The following RIMKLB variants were observed in gnomAD, a reference collection of about 807,000 sequenced individuals.
The protein encoded by RIMKLB is beta-citrylglutamate synthase B.
In RIMKLB, 7 loss-of-function variants were observed where a neutral mutation model predicts 32.0. The ratio of observed to expected loss-of-function variants is 0.22; its 90% CI spans 0.12 to 0.41. The LOEUF (loss-of-function observed/expected upper bound fraction) is 0.41, where lower values mean the gene tolerates loss of function less well. RIMKLB is among the 10% of genes least tolerant of loss of function. The probability of loss-of-function intolerance (pLI) is 1.00; values close to 1 mark genes in which losing one functional copy is unlikely to be tolerated. For synonymous variants in RIMKLB, 172 were observed against 185.1 expected (o/e 0.93, Z 0.57); for missense variants, 289 against 498.7 (o/e 0.58, Z 4.00).
At chr12:8,701,647 CT>C (rs752751224) in intron 1 of RIMKLB, among the ~76,000 whole-genome samples, 1,767 of 124,558 alleles carry the variant, frequency 0.014, 9 homozygotes, top group African/African-American at 0.018. Context: ...GGCCTGATCT[CT>C]TTTTTTTTTT....
the RIMKLB span, among the ~76,000 whole-genome samples, chr12:8,674,494 C>T: frequency 6.6e-6 from 1 of 151,560 alleles, no homozygotes; most frequent in African/African-American, 2.4e-5. Context: ...CTGCCTCGGC[C>T]TCCCAAAGTG....
chr12:8,720,290 C>T (rs1591729562), intron 2 of RIMKLB, among the ~76,000 whole-genome samples: 1 of 152,196 alleles, frequency 6.6e-6, no homozygotes, highest in East Asian at 1.9e-4. Context: ...TTCTTAGTTT[C>T]TTTTGATGGG....
downstream of RIMKLB, chr12:8,779,123 T>A (rs1052914740): frequency 3.3e-5 from 5 of 152,230 alleles, no homozygotes; most frequent in African/African-American, 1.2e-4. Flanking sequence ...CAGGAGAGCC[T>A]TGTACTCAGC....
the RIMKLB span, among the ~76,000 whole-genome samples, chr12:8,672,397 G>A: frequency 6.6e-6 from 1 of 152,142 alleles, no homozygotes; most frequent in South Asian, 2.1e-4. Context: ...TGCTGATAAA[G>A]ACATATCCAA....
At chr12:8,738,010 G>A (rs187067337) in intron 2 of RIMKLB, among the ~76,000 whole-genome samples, 2 of 152,228 alleles carry the variant, frequency 1.3e-5, no homozygotes, top group Admixed American at 6.5e-5. Flanking sequence ...CACTGCGCCT[G>A]GCCCATGAAT....
intron 3 of RIMKLB, 56 bp from the exon 4 acceptor site, chr12:8,751,901 G>T: frequency 7.9e-6 from 9 of 1,140,862 alleles, no homozygotes; most frequent in South Asian, 2.5e-5. Context: ...TGATAAAATT[G>T]ATCACAAAAT....
chr12:8,688,179 G>A (rs545550396), intron 1 of RIMKLB, among the ~76,000 whole-genome samples: 4 of 152,244 alleles, frequency 2.6e-5, no homozygotes, highest in Non-Finnish European at 4.4e-5. Context: ...ATTGCTGACT[G>A]CAAGAAACGG....
chr12:8,672,370 T>C, the RIMKLB span, among the ~76,000 whole-genome samples: 1 of 152,218 alleles, frequency 6.6e-6, no homozygotes, highest in Non-Finnish European at 1.5e-5. Flanking sequence ...GTTTACTGTA[T>C]TAGTCCATTT....
At chr12:8,713,698 G>GT (rs1378155297) in intron 1 of RIMKLB, 113 bp from the exon 2 acceptor site, 6 of 680,326 alleles carry the variant, frequency 8.8e-6, no homozygotes, top group African/African-American at 1.8e-5. Flanking sequence ...CTCTACACGT[G>GT]TTTTTTCCTG....
At chr12:8,721,573 A>T (rs1313912961) in intron 2 of RIMKLB, among the ~76,000 whole-genome samples, 5 of 152,154 alleles carry the variant, frequency 3.3e-5, no homozygotes, top group Non-Finnish European at 7.3e-5. Context: ...ATCCCGTCTC[A>T]GGCTACACTC....
intron 2 of RIMKLB, among the ~76,000 whole-genome samples, chr12:8,739,934 G>A (rs1362391852): frequency 2.0e-5 from 3 of 152,052 alleles, no homozygotes; most frequent in Non-Finnish European, 2.9e-5. Context: ...CCCAGACAGG[G>A]TCTCGCTCTG....
At chr12:8,743,365 A>G (rs1044022131) in intron 2 of RIMKLB, among the ~76,000 whole-genome samples, 3 of 151,172 alleles carry the variant, frequency 2.0e-5, no homozygotes, top group Non-Finnish European at 4.4e-5. Context: ...AAAAAAAAAA[A>G]AAAAAAAAAA....
intron 2 of RIMKLB, among the ~76,000 whole-genome samples, chr12:8,747,079 A>T (rs988647963): frequency 6.6e-6 from 1 of 152,164 alleles, no homozygotes; most frequent in Non-Finnish European, 1.5e-5. Flanking sequence ...TGGATTCTCA[A>T]GATGGAATGA....
At chr12:8,697,663 G>A (rs1942954005), upstream of RIMKLB, 1 of 277,772 alleles carries the variant, frequency 3.6e-6, no homozygotes. Context: ...GCGCGTCCTC[G>A]GAGCGCCCTC....
chr12:8,748,954 A>T (rs1948390534), intron 2 of RIMKLB, among the ~76,000 whole-genome samples: 1 of 152,122 alleles, frequency 6.6e-6, no homozygotes, highest in East Asian at 1.9e-4. Flanking sequence ...GAAGCAACTC[A>T]TATAAATACC....
At chr12:8,670,026 C>CAAAAAAA in the RIMKLB span, among the ~76,000 whole-genome samples, 106 of 36,928 alleles carry the variant, frequency 2.9e-3, 2 homozygotes, top group African/African-American at 0.011. Context: ...GACTCCGTCT[C>CAAAAAAA]AAAAAAAAAA....
the RIMKLB span, among the ~76,000 whole-genome samples, chr12:8,670,776 G>T: frequency 2.6e-5 from 4 of 152,252 alleles, no homozygotes; most frequent in African/African-American, 9.6e-5. Context: ...CTTCTGCACT[G>T]CCCTGGCAGA....
chr12:8,752,350 C>T (rs1003831650), intron 4 of RIMKLB, among the ~76,000 whole-genome samples: 3 of 152,182 alleles, frequency 2.0e-5, no homozygotes, highest in Non-Finnish European at 2.9e-5. Flanking sequence ...GTCAGGAGTT[C>T]AAGACCAGCT....
At chr12:8,779,882 C>T, downstream of RIMKLB, 1 of 147,952 alleles carries the variant, frequency 6.8e-6, no homozygotes, top group Non-Finnish European at 1.5e-5. Context: ...CCCCTTTTCC[C>T]CTAATTCTTT....
Sources: allele counts gnomAD v4.1 joint callset (sites outside exome capture counted in the v4.1 genomes callset), GRCh38; gene constraint gnomAD v4.1.1; transcripts MANE v1.5; gene names NCBI Gene and HGNC (gene_info 2026-07-23, HGNC 2026-07-21).